Variants in POLR1A observed in about 807,000 individuals in gnomAD.
POLR1A encodes the protein DNA-directed RNA polymerase I subunit RPA1.
POLR1A carries 84 observed loss-of-function variants against 205.3 expected under a neutral mutation model. The ratio of observed to expected loss-of-function variants is 0.41; its 90% CI spans 0.34 to 0.49. POLR1A has a LOEUF of 0.49. Among genes scored for constraint, POLR1A ranks in the 20% least tolerant of loss-of-function variants. The probability of loss-of-function intolerance (pLI) is 0.22; values close to 1 mark genes in which losing one functional copy is unlikely to be tolerated. For missense variants in POLR1A, 1,645 were observed against 2,204.5 expected (o/e 0.75, Z 5.08); for synonymous variants, 799 against 863.7 (o/e 0.93, Z 1.31).
chr2:86,105,525 C>T (rs762548694), intron 1 of POLR1A, among the ~76,000 whole-genome samples, 175 bp downstream of exon 1: 15 of 152,182 alleles, frequency 9.9e-5, no homozygotes, highest in South Asian at 2.1e-4. Context: ...GGCCTCTTAT[C>T]CAGGCAGTCC....
At chr2:86,080,450 A>C (rs1673378812) in intron 9 of POLR1A, among the ~76,000 whole-genome samples, 1 of 152,228 alleles carries the variant, frequency 6.6e-6, no homozygotes, top group East Asian at 1.9e-4. Context: ...GCCTGAGGGA[A>C]GTAGGCTATT....
At chr2:86,076,048 T>G (rs1010956893) in intron 11 of POLR1A, among the ~76,000 whole-genome samples, 6 of 152,208 alleles carry the variant, frequency 3.9e-5, no homozygotes, top group Non-Finnish European at 8.8e-5. Flanking sequence ...AAGGTGGTAC[T>G]TGAGATGAAA....
chr2:86,065,723 C>T (rs1046976994), intron 13 of POLR1A: 13 of 416,738 alleles, frequency 3.1e-5, no homozygotes, highest in Admixed American at 4.1e-5. Flanking sequence ...TCATCCCGTT[C>T]CCCCGGCCTT....
intron 14 of POLR1A, among the ~76,000 whole-genome samples, chr2:86,063,869 T>C (rs1317381920): frequency 6.6e-6 from 1 of 152,260 alleles, no homozygotes; most frequent in Non-Finnish European, 1.5e-5. Flanking sequence ...TCTGCTTCAG[T>C]GGCATCCCAC....
chr2:86,065,017 T>C (rs534201770), intron 14 of POLR1A, among the ~76,000 whole-genome samples: 9 of 152,200 alleles, frequency 5.9e-5, no homozygotes, highest in Admixed American at 4.6e-4. Context: ...TCAGGTGATC[T>C]GCCCGCCTCA....
intron 1 of POLR1A, 101 bp downstream of exon 1, chr2:86,105,599 G>A: frequency 1.4e-6 from 1 of 738,256 alleles, no homozygotes; most frequent in Non-Finnish European, 2.3e-6. Flanking sequence ...GACAAGCCTG[G>A]ACTCAAGAGG....
intron 1 of POLR1A, among the ~76,000 whole-genome samples, chr2:86,101,819 T>C (rs535239110): frequency 2.2e-4 from 34 of 152,274 alleles, no homozygotes; most frequent in African/African-American, 7.9e-4. Context: ...TCTGCTACCA[T>C]CATTTTACTT....
At chr2:86,072,652 C>A (rs1005265741) in intron 12 of POLR1A, among the ~76,000 whole-genome samples, 5 of 152,276 alleles carry the variant, frequency 3.3e-5, no homozygotes, top group Non-Finnish European at 7.3e-5. Flanking sequence ...CAGAGGCAGG[C>A]TCGGAGCCAA....
chr2:86,094,542 T>C (rs1193113297), intron 3 of POLR1A, among the ~76,000 whole-genome samples: 1 of 152,192 alleles, frequency 6.6e-6, no homozygotes, highest in East Asian at 1.9e-4. Flanking sequence ...TAGTGGAGAA[T>C]GGTATTTAGA....
chr2:86,089,710 T>C lies in POLR1A; in HGVS notation c.540+112A>G, dbSNP rs1030264089. 3 of 702,134 alleles carry C rather than the reference T, an allele frequency of 4.3e-6. No homozygotes were observed. In the Admixed American group the frequency reaches 6.8e-5, roughly 16 times the overall value. 43.5% of individuals were successfully genotyped at this position (702,134 alleles called of 1,614,324 possible). On this transcript the variant is annotated intron_variant, in intron 4 of 33. Coordinates refer to ENST00000263857, the MANE Select transcript of POLR1A (RefSeq NM_015425.6). The stretch of plus-strand genomic sequence containing the variant: ...GGTCTCACAAGAGACAGAGCTCAGA[T>C]GCAAACTCAGGTCTACTTTGGGAAG...
At chr2:86,033,868 A>C (rs1672447077) in intron 27 of POLR1A, 81 bp from the exon 28 acceptor site, 1 of 1,532,012 alleles carries the variant, frequency 6.5e-7, no homozygotes, top group African/African-American at 1.4e-5. Flanking sequence ...TAGGACGCTG[A>C]GGGATTCCCA....
intron 16 of POLR1A, 55 bp from the exon 17 acceptor site, chr2:86,049,297 C>G: frequency 1.6e-6 from 2 of 1,274,820 alleles, no homozygotes; most frequent in African/African-American, 1.5e-5. Flanking sequence ...TTTCTCCCAC[C>G]AGACTAAACT....
At chr2:86,090,684 C>A (rs2104429755) in intron 3 of POLR1A, among the ~76,000 whole-genome samples, 1 of 152,308 alleles carries the variant, frequency 6.6e-6, no homozygotes, top group East Asian at 1.9e-4. Context: ...AGGGAATATG[C>A]CTATGATGCT....
chr2:86,081,016 T>A (rs760347145), intron 8 of POLR1A, 38 bp from the exon 9 acceptor site: 1 of 1,574,024 alleles, frequency 6.4e-7, no homozygotes, highest in Non-Finnish European at 8.7e-7. Context: ...ATGTTTAGTG[T>A]GAGGAAAGGG....
At chr2:86,035,534 C>G (rs917676342) in intron 27 of POLR1A, among the ~76,000 whole-genome samples, 1 of 152,188 alleles carries the variant, frequency 6.6e-6, no homozygotes. Context: ...TCAGCTGCTG[C>G]CACACACAGG....
intron 30 of POLR1A, among the ~76,000 whole-genome samples, chr2:86,030,761 C>T (rs1672371632): frequency 6.6e-6 from 1 of 152,190 alleles, no homozygotes; most frequent in Non-Finnish European, 1.5e-5. Context: ...CACTTGGGAA[C>T]CACTGAACTG....
intron 13 of POLR1A, 121 bp from the exon 14 acceptor site, chr2:86,065,586 T>G (rs556143979): frequency 1.2e-5 from 9 of 779,022 alleles, no homozygotes; most frequent in Non-Finnish European, 1.7e-5. Flanking sequence ...CCCTGTCTTG[T>G]CTTGCCCACA....
At chr2:86,088,993 T>C in intron 4 of POLR1A, 123 bp from the exon 5 acceptor site, 1 of 650,728 alleles carries the variant, frequency 1.5e-6, no homozygotes, top group Non-Finnish European at 2.6e-6. Flanking sequence ...ACCACTTTCT[T>C]AAACAAAATC....
intron 9 of POLR1A, among the ~76,000 whole-genome samples, chr2:86,080,285 G>C (rs987048253): frequency 6.6e-6 from 1 of 152,122 alleles, no homozygotes; most frequent in Non-Finnish European, 1.5e-5. Flanking sequence ...CACAGATGGG[G>C]CTCAGGAAAT....
Sources: gnomAD v4.1 joint callset for allele counts (sites outside exome capture counted in the v4.1 genomes callset) on GRCh38, gnomAD v4.1.1 for gene constraint, MANE v1.5 for transcripts, NCBI Gene and HGNC (gene_info 2026-07-23, HGNC 2026-07-21) for gene names.